Variants in PCDH15 observed in about 807,000 individuals in gnomAD.
PCDH15 encodes the protein protocadherin-15.
PCDH15 carries 129 observed loss-of-function variants against 178.5 expected under a neutral mutation model. The ratio of observed to expected loss-of-function variants is 0.72; its 90% CI spans 0.63 to 0.84. The LOEUF (loss-of-function observed/expected upper bound fraction) is 0.84. Among genes scored for constraint, PCDH15 ranks in the 40% least tolerant of loss-of-function variants. The pLI is 0.00. For synonymous variants in PCDH15, 800 were observed against 732.0 expected (o/e 1.09, Z -1.50); for missense variants, 2,230 against 2,099.9 (o/e 1.06, Z -1.21).
intron 1 of PCDH15, among the ~76,000 whole-genome samples, chr10:54,756,396 G>A (rs1947117049): frequency 6.6e-6 from 1 of 152,020 alleles, no homozygotes; most frequent in South Asian, 2.1e-4. Context: ...TTTTCAATAT[G>A]TAAATACGGA....
At chr10:54,992,523 C>T (rs575588717) in intron 2 of PCDH15, among the ~76,000 whole-genome samples, 9 of 152,006 alleles carry the variant, frequency 5.9e-5, no homozygotes, top group South Asian at 2.1e-4. Flanking sequence ...GAGGCCGAGG[C>T]GGGCAGATCA....
Position 54,200,510 on chromosome 10 carries a change from C to A in PCDH15, c.1099-4621G>T, listed in dbSNP as rs909408284. On this transcript the variant is annotated intron_variant, in intron 10 of 37. Transcript: ENST00000644397. ...ATTGCTCAACTCCCACTTCTTAGAT[C>A]GCAAGTGCTCACCTTCATCTGTATT... Among the ~76,000 whole-genome samples, 9 of 152,080 alleles carry A rather than the reference C, an allele frequency of 5.9e-5. No homozygotes were observed. In the South Asian group the frequency reaches 1.9e-3, roughly 32 times the overall value.
intron 3 of PCDH15, among the ~76,000 whole-genome samples, chr10:54,436,066 A>G (rs1278151988): frequency 5.6e-5 from 8 of 143,578 alleles, no homozygotes; most frequent in Non-Finnish European, 1.2e-4. Context: ...AAAGAAAGAA[A>G]GAAAGAAGGA....
chr10:53,903,809 C>T (rs1337441379), intron 25 of PCDH15, among the ~76,000 whole-genome samples: 3 of 152,050 alleles, frequency 2.0e-5, no homozygotes, highest in Non-Finnish European at 4.4e-5. Flanking sequence ...TCAGCAATGG[C>T]ATTTCTTTAG....
At chr10:55,120,183 T>C (rs1275619496) in intron 2 of PCDH15, among the ~76,000 whole-genome samples, 1 of 152,050 alleles carries the variant, frequency 6.6e-6, no homozygotes, top group Non-Finnish European at 1.5e-5. Flanking sequence ...TTTAAATGAA[T>C]AAAATATGAA....
chr10:54,477,067 G>T (rs2078326811), intron 3 of PCDH15, among the ~76,000 whole-genome samples: 1 of 152,024 alleles, frequency 6.6e-6, no homozygotes, highest in Non-Finnish European at 1.5e-5. Context: ...ATAGGATCAT[G>T]TTACCTCCCT....
chr10:54,329,136 C>T (rs1293585462), intron 7 of PCDH15, among the ~76,000 whole-genome samples: 2 of 147,672 alleles, frequency 1.4e-5, no homozygotes, highest in Non-Finnish European at 1.5e-5. Flanking sequence ...TGAGGAAGAA[C>T]ACGACCAATT....
intron 2 of PCDH15, among the ~76,000 whole-genome samples, chr10:54,576,031 T>A (rs2090439918): frequency 9.6e-6 from 1 of 104,496 alleles, no homozygotes; most frequent in Admixed American, 1.1e-4. Flanking sequence ...ACATATCTTT[T>A]ACCTTGTTAT....
At chr10:55,307,822 T>C (rs1384331291) in intron 1 of PCDH15, among the ~76,000 whole-genome samples, 3 of 151,234 alleles carry the variant, frequency 2.0e-5, no homozygotes, top group Non-Finnish European at 4.4e-5. Context: ...CCTATCCTAC[T>C]AATTATTTTT....
intron 1 of PCDH15, among the ~76,000 whole-genome samples, chr10:55,285,255 TAC>T (rs1326310574): frequency 6.6e-6 from 1 of 150,820 alleles, no homozygotes; most frequent in African/African-American, 2.4e-5. Context: ...TATTTATTTA[TAC>T]AGTTTCTGCA....
rs11412877 is a variant in PCDH15 at position 55,210,618 on chromosome 10, C to CTTTTTTTTTTT, written c.-155-43978_-155-43968dup. 2.0e-3 allele frequency among the ~76,000 whole-genome samples: 79 copies of CTTTTTTTTTTT among 40,352 alleles called. 3 individuals are homozygous for CTTTTTTTTTTT. Among genetic ancestry groups the CTTTTTTTTTTT allele is most frequent in the African/African-American group, 4.8e-3 (42 of 8,778 alleles). The allele number at this position is 40,352 out of a possible 152,430, so 26.5% of individuals were successfully genotyped here. On this transcript the variant is annotated intron_variant, in intron 1 of 5. Coordinates refer to the PCDH15 transcript ENST00000458638. The stretch of plus-strand genomic sequence containing the variant: ...ACGATTTTTTTTTCTTTTTTCTTTT[C>CTTTTTTTTTTT]TTTTTTTTTTTTTTTTTTTTTTTTT...
At chr10:54,895,469 A>G (rs1368034989) in intron 3 of PCDH15, among the ~76,000 whole-genome samples, 1 of 152,128 alleles carries the variant, frequency 6.6e-6, no homozygotes, top group Non-Finnish European at 1.5e-5. Flanking sequence ...TATTTGAAAA[A>G]CTTATTTCAT....
intron 2 of PCDH15, among the ~76,000 whole-genome samples, chr10:55,117,972 A>G (rs1837668585): frequency 6.6e-6 from 1 of 152,144 alleles, no homozygotes; most frequent in Non-Finnish European, 1.5e-5. Flanking sequence ...CAGTTATGCA[A>G]ACGGAGGCCT....
chr10:55,531,463 A>G (rs1214688423), intron 2 of PCDH15, among the ~76,000 whole-genome samples: 2 of 152,018 alleles, frequency 1.3e-5, no homozygotes, highest in African/African-American at 4.8e-5. Flanking sequence ...TGTGAATACC[A>G]TCTTGAAAAA....
At chr10:55,384,007 T>G (rs752018812) in intron 2 of PCDH15, among the ~76,000 whole-genome samples, 2 of 152,168 alleles carry the variant, frequency 1.3e-5, no homozygotes, top group Non-Finnish European at 2.9e-5. Flanking sequence ...AGCATTGAAT[T>G]TTTCATACTC....
chr10:54,138,452 G>A (rs1285185413), intron 14 of PCDH15, among the ~76,000 whole-genome samples: 3 of 151,856 alleles, frequency 2.0e-5, no homozygotes, highest in Non-Finnish European at 4.4e-5. Context: ...GTTGGCGATT[G>A]TGTGTGTTTG....
chr10:55,134,788 G>A (rs1021215386), intron 2 of PCDH15, among the ~76,000 whole-genome samples: 2 of 152,130 alleles, frequency 1.3e-5, no homozygotes, highest in South Asian at 4.1e-4. Context: ...GCGATTGAGT[G>A]TTTATGTCTG....
intron 2 of PCDH15, among the ~76,000 whole-genome samples, chr10:55,520,495 G>C (rs1038924260): frequency 7.9e-4 from 112 of 140,954 alleles, no homozygotes; most frequent in Non-Finnish European, 1.4e-3. Flanking sequence ...TATTAGCTGT[G>C]TGTGTGTGTG....
At chr10:55,226,673 C>T (rs1029872711) in intron 1 of PCDH15, among the ~76,000 whole-genome samples, 2 of 151,966 alleles carry the variant, frequency 1.3e-5, no homozygotes, top group Non-Finnish European at 2.9e-5. Context: ...TGAGCCACTG[C>T]GCCCGGCCAA....
Sources: gnomAD v4.1 joint callset for allele counts (sites outside exome capture counted in the v4.1 genomes callset) on GRCh38, gnomAD v4.1.1 for gene constraint, MANE v1.5 for transcripts, NCBI Gene and HGNC (gene_info 2026-07-23, HGNC 2026-07-21) for gene names.